Variants in UNC5C observed in about 807,000 individuals in gnomAD.
UNC5C encodes the protein netrin receptor UNC5C.
A neutral mutation model predicts 99.8 loss-of-function variants in UNC5C; 47 were observed. That is an observed-to-expected ratio of 0.47 (90% CI 0.37 to 0.60). UNC5C has a LOEUF of 0.60. UNC5C is among the 20% of genes least tolerant of loss of function. UNC5C has a pLI of 0.00. For missense variants in UNC5C, 1,062 were observed against 1,165.9 expected (o/e 0.91, Z 1.30); for synonymous variants, 487 against 452.2 (o/e 1.08, Z -0.98).
chr4:95,362,268 C>G (rs754197994), intron 1 of UNC5C, among the ~76,000 whole-genome samples: 3 of 152,162 alleles, frequency 2.0e-5, no homozygotes, highest in African/African-American at 7.2e-5. Flanking sequence ...CGGAGCGTTC[C>G]AATCCTCTGA....
chr4:95,268,316 C>T (rs1286562616), intron 4 of UNC5C, among the ~76,000 whole-genome samples: 1 of 152,148 alleles, frequency 6.6e-6, no homozygotes, highest in Admixed American at 6.5e-5. Flanking sequence ...TTGTTTATTT[C>T]TTTAGTTCAG....
chr4:95,191,128 A>C (rs1737070841), intron 12 of UNC5C, among the ~76,000 whole-genome samples: 1 of 152,128 alleles, frequency 6.6e-6, no homozygotes, highest in Non-Finnish European at 1.5e-5. Context: ...ACAGAGAGGC[A>C]GGAGGGAGGA....
chr4:95,507,376 G>C (rs557353125), intron 1 of UNC5C, among the ~76,000 whole-genome samples: 1 of 152,094 alleles, frequency 6.6e-6, no homozygotes, highest in Non-Finnish European at 1.5e-5. Flanking sequence ...CATCTAAACA[G>C]TCCAAACCAA....
intron 5 of UNC5C, among the ~76,000 whole-genome samples, chr4:95,245,982 G>C (rs1361722561): frequency 6.6e-6 from 1 of 152,142 alleles, no homozygotes; most frequent in African/African-American, 2.4e-5. Flanking sequence ...TCTGTTTCCT[G>C]ATACTAAAGA....
chr4:95,174,193 C>A (rs1461102169), intron 14 of UNC5C, among the ~76,000 whole-genome samples: 2 of 152,074 alleles, frequency 1.3e-5, no homozygotes, highest in Non-Finnish European at 2.9e-5. Flanking sequence ...AAAAAACCAG[C>A]TACTGGATTC....
intron 1 of UNC5C, among the ~76,000 whole-genome samples, chr4:95,517,050 A>C (rs1233198589): frequency 5.9e-5 from 9 of 152,194 alleles, no homozygotes; most frequent in Non-Finnish European, 1.3e-4. Context: ...TAAACTAGGG[A>C]TAACATCAAT....
intron 1 of UNC5C, among the ~76,000 whole-genome samples, chr4:95,446,667 A>G (rs573510112): frequency 9.9e-5 from 15 of 152,246 alleles, no homozygotes; most frequent in Admixed American, 8.5e-4. Flanking sequence ...GGCACACAAC[A>G]GTAAATATCC....
rs569711634 is a variant in UNC5C, at chr4:95,257,737, T to C, written c.595-7070A>G. Among the ~76,000 whole-genome samples the C allele has an allele frequency of 1.3e-3, 199 of 152,370 alleles. 1 individual carries two copies. The highest frequency in any genetic ancestry group is 4.5e-3 in the African/African-American group (187 of 41,594). ...TATTTCCATGAACAAAGTGAGTTTT[T>C]CTCTTAAAGTTTTGAAATAATTTTT... On this transcript the variant is annotated intron_variant, in intron 4 of 15. Transcript: ENST00000453304.
chr4:95,424,719 T>G (rs566421905), intron 1 of UNC5C, among the ~76,000 whole-genome samples: 1 of 151,748 alleles, frequency 6.6e-6, no homozygotes, highest in African/African-American at 2.4e-5. Context: ...GAGACCAGGT[T>G]TCACTGTGTT....
intron 14 of UNC5C, among the ~76,000 whole-genome samples, chr4:95,180,850 C>G (rs1473582139): frequency 6.6e-6 from 1 of 152,164 alleles, no homozygotes; most frequent in East Asian, 1.9e-4. Context: ...TAGGAAGGAG[C>G]CCTGTTCAGA....
intron 1 of UNC5C, among the ~76,000 whole-genome samples, chr4:95,397,904 G>T (rs1422747326): frequency 6.6e-6 from 1 of 152,070 alleles, no homozygotes; most frequent in Non-Finnish European, 1.5e-5. Flanking sequence ...CTATATTTTA[G>T]AGCAGTAGCA....
intron 1 of UNC5C, among the ~76,000 whole-genome samples, chr4:95,381,371 C>T (rs753124427): frequency 9.9e-5 from 15 of 152,204 alleles, no homozygotes; most frequent in African/African-American, 3.1e-4. Context: ...GAAAGGAAAA[C>T]GTGTGTATGT....
rs758239295 is a variant in UNC5C, at chr4:95,278,406, A to T, written c.491-44T>A. 15 of 1,517,852 alleles carry T rather than the reference A, an allele frequency of 9.9e-6. No individual in the cohort carries two copies. In the East Asian group the frequency reaches 1.4e-4, roughly 14 times the overall value. 94.0% of individuals were successfully genotyped at this position (1,517,852 alleles called of 1,614,324 possible). On this transcript the variant is annotated intron_variant, in intron 3 of 15. Coordinates refer to ENST00000453304, the MANE Select transcript of UNC5C (RefSeq NM_003728.4). ...AAAATACATGTCAAAATTAAACAAC[A>T]TTTTCTCATTTACAGAGAGTACAAA...
At chr4:95,324,296 C>A (rs11933141) in intron 2 of UNC5C, among the ~76,000 whole-genome samples, 3 of 152,042 alleles carry the variant, frequency 2.0e-5, no homozygotes, top group Non-Finnish European at 4.4e-5. Context: ...AGGTTGCATG[C>A]GCCTTATGAG....
intron 4 of UNC5C, among the ~76,000 whole-genome samples, chr4:95,258,125 T>C (rs1440800287): frequency 1.3e-5 from 2 of 152,238 alleles, no homozygotes; most frequent in Non-Finnish European, 2.9e-5. Context: ...AGTCTCCTTA[T>C]ATACACTGTA....
In UNC5C at chr4:95,218,967, A is replaced by G; in HGVS notation, c.1645+2T>C. 1 of 1,588,550 alleles carries G rather than the reference A, an allele frequency of 6.3e-7. No homozygotes were observed. On this transcript the variant is annotated splice_donor_variant, in intron 9 of 15. Coordinates refer to ENST00000453304, the MANE Select transcript of UNC5C (RefSeq NM_003728.4). LOFTEE classifies it high-confidence loss of function. Reference sequence around the variant, plus strand: ...TTTGCAATTTAAACCTCTAGGAATTACCTGAATTGGGAACAATAAGGTGAC... The same window carrying G: ...TTTGCAATTTAAACCTCTAGGAATTGCCTGAATTGGGAACAATAAGGTGAC...
chr4:95,409,647 AT>A (rs1553970150), intron 1 of UNC5C, among the ~76,000 whole-genome samples: 1 of 152,142 alleles, frequency 6.6e-6, no homozygotes, highest in Non-Finnish European at 1.5e-5. Flanking sequence ...CTGAAAAAAA[AT>A]ATCCTCTATG....
chr4:95,216,924 T>G (rs1738273629), intron 9 of UNC5C, among the ~76,000 whole-genome samples: 1 of 152,142 alleles, frequency 6.6e-6, no homozygotes, highest in Non-Finnish European at 1.5e-5. Flanking sequence ...GATTCAGAGA[T>G]ATGGGGTGTG....
intron 1 of UNC5C, among the ~76,000 whole-genome samples, chr4:95,447,297 A>G (rs1747133240): frequency 6.6e-6 from 1 of 152,170 alleles, no homozygotes; most frequent in Non-Finnish European, 1.5e-5. Flanking sequence ...AGCAGGTCCC[A>G]TTTATTGAGC....
Sources: gnomAD v4.1 joint callset for allele counts (sites outside exome capture counted in the v4.1 genomes callset) on GRCh38, gnomAD v4.1.1 for gene constraint, MANE v1.5 for transcripts, NCBI Gene and HGNC (gene_info 2026-07-23, HGNC 2026-07-21) for gene names.